Variants in TTC39C observed in about 807,000 individuals in gnomAD.
TTC39C encodes the protein tetratricopeptide repeat protein 39C.
TTC39C carries 33 observed loss-of-function variants against 76.3 expected under a neutral mutation model. The ratio of observed to expected loss-of-function variants is 0.43; its 90% confidence interval spans 0.33 to 0.58. The LOEUF (loss-of-function observed/expected upper bound fraction) is 0.58. TTC39C is among the 20% of genes least tolerant of loss of function. The pLI, the probability that TTC39C is intolerant of heterozygous loss-of-function variation, is 0.04. For synonymous variants in TTC39C, 254 were observed against 260.6 expected (o/e 0.97, Z 0.24); for missense variants, 595 against 701.4 (o/e 0.85, Z 1.71).
At chr18:24,074,359 C>T (rs565456332) in intron 4 of TTC39C, among the ~76,000 whole-genome samples, 31 of 152,064 alleles carry the variant, frequency 2.0e-4, no homozygotes, top group Non-Finnish European at 4.1e-4. Flanking sequence ...ATTATTGGAA[C>T]GCTAAGCATG....
intron 6 of TTC39C, among the ~76,000 whole-genome samples, chr18:24,108,172 T>C (rs1428387053): frequency 1.3e-5 from 2 of 152,192 alleles, no homozygotes; most frequent in Non-Finnish European, 2.9e-5. Context: ...TTGTCCGATG[T>C]TTAACCCAAC....
At chr18:24,025,020 C>T (rs1044388087) in intron 1 of TTC39C, among the ~76,000 whole-genome samples, 5 of 152,050 alleles carry the variant, frequency 3.3e-5, no homozygotes, top group South Asian at 2.1e-4. Context: ...AGGTGCGTGC[C>T]GCCACACCCG....
At chr18:24,047,620 T>G (rs971006747) in intron 1 of TTC39C, among the ~76,000 whole-genome samples, 1 of 152,212 alleles carries the variant, frequency 6.6e-6, no homozygotes, top group African/African-American at 2.4e-5. Context: ...CCTCCCTTTA[T>G]TTCTTTTTGG....
intron 10 of TTC39C, among the ~76,000 whole-genome samples, chr18:24,126,997 TAATTA>T (rs2085059177): frequency 6.6e-6 from 1 of 152,212 alleles, no homozygotes; most frequent in Non-Finnish European, 1.5e-5. Flanking sequence ...AGGTAGGCAG[TAATTA>T]ACATTCACAA....
intron 1 of TTC39C, among the ~76,000 whole-genome samples, chr18:24,059,130 A>G (rs1265785493): frequency 6.6e-6 from 1 of 152,174 alleles, no homozygotes; most frequent in East Asian, 1.9e-4. Flanking sequence ...TGTCTGTTCA[A>G]GTAAGCATCT....
At chr18:24,035,421 G>T (rs1053539854) in intron 1 of TTC39C, among the ~76,000 whole-genome samples, 4 of 152,170 alleles carry the variant, frequency 2.6e-5, no homozygotes, top group Non-Finnish European at 5.9e-5. Flanking sequence ...GTACACAAGG[G>T]TTCCAGTTTT....
chr18:24,023,259 TC>T (rs1285138751), intron 1 of TTC39C, among the ~76,000 whole-genome samples: 2 of 152,172 alleles, frequency 1.3e-5, no homozygotes, highest in Non-Finnish European at 2.9e-5. Flanking sequence ...ATATTGATGT[TC>T]TGCTTCTCAT....
chr18:24,048,204 A>G (rs185684570), intron 1 of TTC39C, among the ~76,000 whole-genome samples: 9 of 152,360 alleles, frequency 5.9e-5, no homozygotes, highest in Admixed American at 5.9e-4. Context: ...TTTATAGTTT[A>G]ATAATTTGCG....
intron 6 of TTC39C, among the ~76,000 whole-genome samples, chr18:24,110,357 G>A (rs979166522): frequency 1.3e-5 from 2 of 152,214 alleles, no homozygotes; most frequent in African/African-American, 2.4e-5. Context: ...ATTAAAGACA[G>A]CAATGCAGTG....
Position 24,043,884 on chromosome 18 carries a change from A to G in TTC39C, c.168-20256A>G, listed in dbSNP as rs147365675. On this transcript the variant is annotated intron_variant, in intron 1 of 13. Transcript: ENST00000317571. The stretch of plus-strand genomic sequence containing the variant: ...TGAACAAGTAGTTTTGCATCTGCAA[A>G]GGGTTTCTCTAATTCCTACCAGCTC... 8.9e-4 allele frequency among the ~76,000 whole-genome samples: 135 copies of G among 152,324 alleles called. 1 individual carries two copies. In the East Asian group the frequency reaches 0.023, roughly 26 times the overall value.
At chr18:24,014,706 C>T (rs2083426763), upstream of TTC39C, 2 of 1,058,874 alleles carry the variant, frequency 1.9e-6, no homozygotes, top group Non-Finnish European at 2.3e-6. Flanking sequence ...GCGGCTCCTC[C>T]CTCCGCGGTC....
intron 8 of TTC39C, chr18:24,120,890 A>C (rs900404742): frequency 1.3e-5 from 2 of 152,244 alleles, no homozygotes; most frequent in African/African-American, 4.8e-5. Flanking sequence ...TTCAGGCTGA[A>C]TAATATTCCA....
chr18:24,076,152 T>C (rs995209873), intron 4 of TTC39C, among the ~76,000 whole-genome samples: 3 of 152,166 alleles, frequency 2.0e-5, no homozygotes, highest in Non-Finnish European at 2.9e-5. Flanking sequence ...AATTTTTTTG[T>C]ATTTTTTAGT....
intron 1 of TTC39C, among the ~76,000 whole-genome samples, chr18:23,996,856 T>C (rs1279703598): frequency 6.6e-6 from 1 of 152,204 alleles, no homozygotes; most frequent in Non-Finnish European, 1.5e-5. Flanking sequence ...ACGCCTGTAA[T>C]CCCAGCACTT....
chr18:24,015,062 C>T, intron 1 of TTC39C, 24 bp downstream of exon 1: 1 of 1,412,946 alleles, frequency 7.1e-7, no homozygotes, highest in Non-Finnish European at 9.3e-7. Flanking sequence ...CCCCGATTCC[C>T]CAACCCTGCA....
chr18:24,045,450 A>T (rs2145699347), intron 1 of TTC39C, among the ~76,000 whole-genome samples: 1 of 152,240 alleles, frequency 6.6e-6, no homozygotes, highest in East Asian at 1.9e-4. Flanking sequence ...TGGCATATTC[A>T]GTTTTGTTTT....
chr18:24,083,512 T>C (rs1015173496), intron 6 of TTC39C, among the ~76,000 whole-genome samples: 3 of 152,256 alleles, frequency 2.0e-5, no homozygotes, highest in Admixed American at 6.5e-5. Flanking sequence ...TTTGAAATAC[T>C]AGGAGCTTTT....
intron 1 of TTC39C, among the ~76,000 whole-genome samples, chr18:24,016,142 C>T (rs1478639745): frequency 6.6e-6 from 1 of 152,170 alleles, no homozygotes; most frequent in Non-Finnish European, 1.5e-5. Flanking sequence ...TTCTTAATGG[C>T]GAAGCAAGTA....
chr18:24,029,125 C>T (rs578209187), intron 1 of TTC39C, among the ~76,000 whole-genome samples: 105 of 135,742 alleles, frequency 7.7e-4, no homozygotes, highest in Non-Finnish European at 1.2e-3. Flanking sequence ...TTGTGTGAGA[C>T]GGAGTCTTGC....
Sources: allele counts gnomAD v4.1 joint callset (sites outside exome capture counted in the v4.1 genomes callset), GRCh38; gene constraint gnomAD v4.1.1; transcripts MANE v1.5; gene names NCBI Gene and HGNC (gene_info 2026-07-23, HGNC 2026-07-21).